Variants in CACNA1G observed in about 807,000 individuals in gnomAD.
The protein encoded by CACNA1G is calcium voltage-gated channel subunit alpha1 G.
Under a neutral mutation model 219.4 loss-of-function variants are expected in CACNA1G, and 67 were observed. That is an observed-to-expected ratio of 0.31 (90% CI 0.25 to 0.37). The LOEUF is 0.37. Ranked by LOEUF, CACNA1G falls within the 10% of genes least tolerant of loss-of-function variation. CACNA1G has a pLI of 1.00. For synonymous variants in CACNA1G, 1,296 were observed against 1,345.3 expected, an observed-to-expected ratio of 0.96 and a Z score of 0.80; for missense variants, 2,380 against 3,231.4, an observed-to-expected ratio of 0.74 and a Z score of 6.39.
chr17:50,605,832 C>T lies in CACNA1G; in HGVS notation c.4297-66C>T, dbSNP rs192905401. On this transcript the variant is annotated intron_variant, in intron 22 of 37. Coordinates refer to ENST00000359106, the MANE Select transcript of CACNA1G (RefSeq NM_018896.5). The stretch of plus-strand genomic sequence containing the variant: ...TGCCCAGGCTGGCGTGGGGGTGGGG[C>T]TCAGGAGTCCTGGGCTTCCTGTGGT... 1.3e-4 allele frequency: 211 copies of T among 1,588,200 alleles called. No individual in the cohort carries two copies. In the African/African-American group the frequency reaches 2.6e-3, roughly 20 times the overall value.
In CACNA1G at chr17:50,603,464, G is replaced by A. The variant is rs1054461248; in HGVS notation, c.4169+265G>A. On this transcript the variant is annotated intron_variant, in intron 21 of 37. Coordinates refer to ENST00000359106, the MANE Select transcript of CACNA1G (RefSeq NM_018896.5). This position sits in a 1 kb window ranked among gnomAD's most constrained non-coding sequence, Gnocchi z 6.4. ...CTGCACCATGTGATGTAAGGTGACT[G>A]CAGCCCTGTGCAGCACACAGCACAA... 2.0e-5 allele frequency among the ~76,000 whole-genome samples: 3 copies of A among 152,274 alleles called. No homozygotes were observed. In the East Asian group the frequency reaches 5.8e-4, roughly 29 times the overall value.
At chr17:50,572,151 T>C in intron 5 of CACNA1G, 114 bp downstream of exon 5, 1 of 1,210,288 alleles carries the variant, frequency 8.3e-7, no homozygotes, top group Non-Finnish European at 1.1e-6. Context: ...ATCTGAGACA[T>C]ATCTGGTTCT....
chr17:50,566,936 T>C (rs780814596), intron 1 of CACNA1G, among the ~76,000 whole-genome samples: 3 of 152,166 alleles, frequency 2.0e-5, no homozygotes, highest in Admixed American at 6.5e-5. Flanking sequence ...TCCTCAGAGA[T>C]CTACTGCCTC....
Position 50,561,522 on chromosome 17 carries a change from G to T in CACNA1G, c.63G>T (p.Arg21=). The change falls in exon 1 of 38, where the codon CGG becomes CGT. Residue 21 remains arginine (R), a synonymous_variant. Transcript: ENST00000359106. The stretch of plus-strand genomic sequence containing the variant: ...CGGGACAGCCCCGGAGCTTCATGCG[G>T]CTCAACGACCTGTCGGGGGCCGGGG... ...EESGQPRSFM[R]LNDLSGAGGR... 1.8e-5 allele frequency: 27 copies of T among 1,537,344 alleles called. No homozygotes were observed. The highest frequency in any genetic ancestry group is 2.4e-5 in the Non-Finnish European group (27 of 1,146,508).
chr17:50,607,724 G>A (rs1017722082), intron 24 of CACNA1G, 103 bp from the exon 25 acceptor site: 32 of 900,798 alleles, frequency 3.6e-5, no homozygotes, highest in Middle Eastern at 3.3e-4. Context: ...CCTGTCAGGC[G>A]GCTGTAGCTA....
chr17:50,572,536 C>A lies in CACNA1G; in HGVS notation c.747-18C>A. Reference sequence around the variant, plus strand: ...CCCACTCCCCAGTCTCACCCCTGTTCCCCTTCCCATCCTGCAGCCCCCTGA... The same window carrying A: ...CCCACTCCCCAGTCTCACCCCTGTTACCCTTCCCATCCTGCAGCCCCCTGA... On this transcript the variant is annotated intron_variant, in intron 5 of 37. Coordinates refer to ENST00000359106, the MANE Select transcript of CACNA1G (RefSeq NM_018896.5). 6.6e-7 allele frequency: 1 copy of A among 1,515,556 alleles called. No individual in the cohort carries two copies. Among genetic ancestry groups the A allele is most frequent in the South Asian group, 1.3e-5 (1 of 75,064 alleles). The allele number at this position is 1,515,556 out of a possible 1,614,324, so 93.9% of individuals were successfully genotyped here.
chr17:50,566,988 C>T (rs918641717), intron 1 of CACNA1G, among the ~76,000 whole-genome samples: 7 of 152,230 alleles, frequency 4.6e-5, no homozygotes, highest in African/African-American at 1.7e-4. Flanking sequence ...TCCAGACCCC[C>T]CTTTCCCTGC....
In CACNA1G at chr17:50,603,280, C is replaced by T. The variant is rs1221850331; in HGVS notation, c.4169+81C>T. Reference sequence around the variant, plus strand: ...CATCTCCCACCGCCAGCACTCCCTGCCACGAAACAAAAGCCTGCACAGGCC... The same window carrying T: ...CATCTCCCACCGCCAGCACTCCCTGTCACGAAACAAAAGCCTGCACAGGCC... On this transcript the variant is annotated intron_variant, in intron 21 of 37. Coordinates refer to ENST00000359106, the MANE Select transcript of CACNA1G (RefSeq NM_018896.5). This position sits in a 1 kb window ranked among gnomAD's most constrained non-coding sequence, Gnocchi z 6.4. 1.5e-6 allele frequency: 2 copies of T among 1,299,126 alleles called. No individual in the cohort carries two copies. The highest frequency in any genetic ancestry group is 1.5e-5 in the African/African-American group (1 of 68,462). The allele number at this position is 1,299,126 out of a possible 1,614,324, so 80.5% of individuals were successfully genotyped here.
Position 50,621,736 on chromosome 17 carries a change from CG to C in CACNA1G, c.6004del (p.Asp2002MetfsTer33), listed in dbSNP as rs746214354. The C allele has an allele frequency of 3.3e-5, 53 of 1,613,864 alleles. No individual in the cohort carries two copies. The Admixed American group carries it at 6.0e-4, about 18-fold the overall frequency. On this transcript the variant is annotated frameshift_variant, in exon 35 of 38. Transcript: ENST00000359106. LOFTEE classifies it high-confidence loss of function. This position sits in a 1 kb window ranked among gnomAD's most constrained non-coding sequence, Gnocchi z 4.6. ...GAACCGTCCTGCTCTCTAGCTCTGA[CG>C]GATGACTCTTTGCCTGATGACATGC... is the stretch of plus-strand genomic sequence containing the variant. ...VSEPSCSLALTDDSLPDDMHT... is the reference protein window; with the variant it reads ...VSEPSCSLALXDDSLPDDMHT...
At chr17:50,619,047 G>A (rs763775733) in intron 33 of CACNA1G, 39 bp downstream of exon 33, 2 of 1,451,018 alleles carry the variant, frequency 1.4e-6, no homozygotes, top group Non-Finnish European at 1.8e-6. Flanking sequence ...AGGAGCTGGG[G>A]CAGGAGAAGG....
chr17:50,602,355 G>C (rs1034320882), intron 19 of CACNA1G, among the ~76,000 whole-genome samples: 1 of 152,234 alleles, frequency 6.6e-6, no homozygotes, highest in Non-Finnish European at 1.5e-5. Context: ...CCTGTGCCTG[G>C]GGGTGCAGAG....
intron 1 of CACNA1G, among the ~76,000 whole-genome samples, chr17:50,566,188 A>G (rs539777726): frequency 6.6e-6 from 1 of 152,174 alleles, no homozygotes; most frequent in Non-Finnish European, 1.5e-5. Flanking sequence ...TACCATGACA[A>G]CAAATCCACA....
Position 50,615,498 on chromosome 17 carries a change from T to C in CACNA1G, c.4897T>C (p.Tyr1633His). The C allele has an allele frequency of 6.2e-7, 1 of 1,613,306 alleles. No individual in the cohort carries two copies. The highest frequency in any genetic ancestry group is 1.1e-5 in the South Asian group (1 of 91,024). The change falls in exon 27 of 38, where the codon TAC becomes CAC. Residue 1633 changes from tyrosine (Y) to histidine (H), a missense_variant. Tyr to His is a moderately conservative substitution (Grantham distance 83, BLOSUM62 2). Coordinates refer to ENST00000359106, the MANE Select transcript of CACNA1G (RefSeq NM_018896.5). ...LNVVTMAMEH[Y>H]QQPQILDEAL... ...CGTGGTCACCATGGCCATGGAGCAC[T>C]ACCAGCAGCCCCAGGTAGGAGCGAG...
At chr17:50,561,769 G>C (rs1297146737) in intron 1 of CACNA1G, 68 bp downstream of exon 1, 17 of 1,458,930 alleles carry the variant, frequency 1.2e-5, no homozygotes, top group Non-Finnish European at 1.4e-5. Flanking sequence ...CCGGGGGTCG[G>C]GGGGGAAGAA....
intron 35 of CACNA1G, among the ~76,000 whole-genome samples, chr17:50,622,938 G>A (rs562898004): frequency 6.6e-6 from 1 of 152,118 alleles, no homozygotes; most frequent in African/African-American, 2.4e-5. Flanking sequence ...CCCAACCCAG[G>A]CCCTGTGCTG....
At chr17:50,610,020 G>A (rs542970919) in intron 26 of CACNA1G, 85 bp downstream of exon 26, 1,010 of 1,374,574 alleles carry the variant, frequency 7.3e-4, no homozygotes, top group Non-Finnish European at 9.4e-4. Context: ...ATCCTCTTGG[G>A]GTGAAAGGGT....
intron 9 of CACNA1G, among the ~76,000 whole-genome samples, chr17:50,589,461 G>A (rs1483992887): frequency 6.6e-6 from 1 of 152,198 alleles, no homozygotes; most frequent in African/African-American, 2.4e-5. Context: ...TGTGTACAAC[G>A]TGTTTCTAGC....
chr17:50,573,037 G>C lies in CACNA1G; in HGVS notation c.1064G>C (p.Gly355Ala). ...ACCCCCTAGGTCATCACGCTGGAGG[G>C]CTGGGTCGACATCATGTACTTTGTG... ...IAIFQVITLE[G>A]WVDIMYFVMD... Residue 355 changes from glycine to alanine, a missense_variant, in exon 7 of 38, where the codon GGC becomes GCC. This residue lies in a region of CACNA1G where 72 missense variants were observed against 175.8 expected (regional missense o/e 0.41). Coordinates refer to ENST00000359106, the MANE Select transcript of CACNA1G (RefSeq NM_018896.5). 2 of 1,578,402 alleles carry C rather than the reference G, an allele frequency of 1.3e-6. No individual in the cohort carries two copies.
chr17:50,561,088 C>G lies in CACNA1G; in HGVS notation c.-372C>G, dbSNP rs1220143412. ...GACCCCCGCCCTCCGCCGCTGCCCCCCTTTTCGTTCGCCCTCTCGGGGCGG... is the reference window on the plus strand; with the variant it reads ...GACCCCCGCCCTCCGCCGCTGCCCCGCTTTTCGTTCGCCCTCTCGGGGCGG... On this transcript the variant is annotated 5_prime_UTR_variant, in exon 1 of 38. Coordinates refer to ENST00000359106, the MANE Select transcript of CACNA1G (RefSeq NM_018896.5). 14 of 444,930 alleles carry G rather than the reference C, an allele frequency of 3.1e-5. No homozygotes were observed. Among genetic ancestry groups the G allele is most frequent in the Non-Finnish European group, 5.6e-5 (13 of 230,352 alleles). 27.6% of individuals were successfully genotyped at this position (444,930 alleles called of 1,614,324 possible). A position where few individuals can be genotyped will look rare whatever the true frequency, so the allele number is the denominator to read the frequency against.
Sources: allele counts gnomAD v4.1 joint callset (sites outside exome capture counted in the v4.1 genomes callset), GRCh38; gene constraint gnomAD v4.1.1; regional missense constraint gnomAD v4.1.1; non-coding constraint Gnocchi (gnomAD v3.1); transcripts MANE v1.5; gene names NCBI Gene and HGNC (gene_info 2026-07-23, HGNC 2026-07-21).